The following DTWD2 variants were observed in gnomAD, a reference collection of about 807,000 sequenced individuals.
The protein encoded by DTWD2 is tRNA-uridine aminocarboxypropyltransferase 2.
In DTWD2, 39 loss-of-function variants were observed where a neutral mutation model predicts 31.8. That is an observed-to-expected ratio of 1.22 (90% CI 0.95 to 1.60). DTWD2 has a LOEUF of 1.60. Ranked by LOEUF, DTWD2 falls within the 40% of genes most tolerant of loss-of-function variation. DTWD2 has a pLI of 0.00. For missense variants in DTWD2, 515 were observed against 381.5 expected, an observed-to-expected ratio of 1.35 and a Z score of -2.92; for synonymous variants, 180 against 142.8, an observed-to-expected ratio of 1.26 and a Z score of -1.86.
At chr5:118,875,563 G>GAA (rs34990814) in intron 4 of DTWD2, among the ~76,000 whole-genome samples, 25 of 44,538 alleles carry the variant, frequency 5.6e-4, no homozygotes, top group East Asian at 3.0e-3. Context: ...CCTAGTTTCT[G>GAA]AAAAAAAAAA....
At chr5:118,939,145 TA>T (rs1754119100) in intron 3 of DTWD2, 50 bp downstream of exon 3, 1 of 1,518,364 alleles carries the variant, frequency 6.6e-7, no homozygotes, top group Admixed American at 2.1e-5. Context: ...AACCATTTTT[TA>T]AGATCTGTGT....
At chr5:118,951,314 G>A (rs1008259888) in intron 1 of DTWD2, among the ~76,000 whole-genome samples, 2 of 152,154 alleles carry the variant, frequency 1.3e-5, no homozygotes, top group Admixed American at 6.5e-5. Context: ...TGGGGAGGAA[G>A]AGAGAGGTCA....
At chr5:118,959,047 T>C (rs991699889) in intron 1 of DTWD2, among the ~76,000 whole-genome samples, 10 of 152,080 alleles carry the variant, frequency 6.6e-5, no homozygotes, top group African/African-American at 2.4e-4. Context: ...ACATGACAAG[T>C]CTGCTCACTC....
intron 3 of DTWD2, among the ~76,000 whole-genome samples, chr5:118,936,990 G>A (rs77449821): frequency 0.025 from 3,821 of 152,124 alleles, 172 homozygotes; most frequent in African/African-American, 0.086. Flanking sequence ...TAGATAACTT[G>A]TACCATTTCT....
At chr5:118,886,468 A>G (rs1464833866) in intron 4 of DTWD2, among the ~76,000 whole-genome samples, 1 of 152,248 alleles carries the variant, frequency 6.6e-6, no homozygotes, top group Non-Finnish European at 1.5e-5. Flanking sequence ...GAAATCAAGT[A>G]GAGGAAATGC....
At chr5:118,884,525 T>C (rs924420182) in intron 4 of DTWD2, among the ~76,000 whole-genome samples, 4 of 152,212 alleles carry the variant, frequency 2.6e-5, no homozygotes, top group Non-Finnish European at 5.9e-5. Context: ...AAATTTATCT[T>C]AGTACAGGGT....
intron 4 of DTWD2, among the ~76,000 whole-genome samples, chr5:118,900,008 G>T (rs1263050204): frequency 6.6e-6 from 1 of 151,832 alleles, no homozygotes; most frequent in African/African-American, 2.4e-5. Context: ...TCACTATGTT[G>T]ACCAAGTTAC....
rs1751673937 is a variant in DTWD2 at position 118,840,027 on chromosome 5, A to G, written c.*890T>C. ...CAGTAGACTTGTGCTGAATATACAT[A>G]TATGTTACATACATGTCTCTTATTC... On this transcript the variant is annotated 3_prime_UTR_variant, in exon 6 of 6. Coordinates refer to ENST00000510708, the MANE Select transcript of DTWD2 (RefSeq NM_173666.4). 6.6e-6 allele frequency: 1 copy of G among 152,168 alleles called. No homozygotes were observed. The highest frequency in any genetic ancestry group is 1.5e-5 in the Non-Finnish European group (1 of 68,022). The allele number at this position is 152,168 out of a possible 1,614,324, so 9.4% of individuals were successfully genotyped here.
intron 4 of DTWD2, among the ~76,000 whole-genome samples, chr5:118,893,442 T>C (rs1165939011): frequency 7.0e-6 from 1 of 143,754 alleles, no homozygotes; most frequent in Non-Finnish European, 1.5e-5. Context: ...TTCTGAAAAA[T>C]GCAATAGAGG....
chr5:118,929,550 A>G (rs1330092295), intron 3 of DTWD2, among the ~76,000 whole-genome samples: 2 of 151,800 alleles, frequency 1.3e-5, no homozygotes, highest in Non-Finnish European at 2.9e-5. Flanking sequence ...GTCTCTCTGA[A>G]TCTGCTGTGA....
intron 4 of DTWD2, among the ~76,000 whole-genome samples, chr5:118,884,975 G>C (rs570114645): frequency 7.3e-4 from 92 of 126,148 alleles, no homozygotes; most frequent in African/African-American, 2.8e-3. Context: ...CAGTCTGGGG[G>C]ACAGAGTGAG....
Position 118,944,665 on chromosome 5 carries a change from A to T in DTWD2, c.219-16T>A. 6.2e-7 allele frequency: 1 copy of T among 1,608,668 alleles called. No individual in the cohort carries two copies. The highest frequency in any genetic ancestry group is 8.5e-7 in the Non-Finnish European group (1 of 1,178,214). On this transcript the variant is annotated splice_polypyrimidine_tract_variant and intron_variant, in intron 1 of 5. Transcript: ENST00000510708. ...CTGAGGCCGGCTAAAGGGTAAAAAG[A>T]AAAATAAAACTGGTAAATTTTAAAA...
intron 1 of DTWD2, among the ~76,000 whole-genome samples, chr5:118,966,632 T>A (rs533424824): frequency 6.6e-6 from 1 of 152,206 alleles, no homozygotes. Flanking sequence ...GAAAAGTTGA[T>A]AGGAATGATA....
chr5:118,947,706 G>A (rs937742677), intron 1 of DTWD2, among the ~76,000 whole-genome samples: 1 of 152,150 alleles, frequency 6.6e-6, no homozygotes, highest in Non-Finnish European at 1.5e-5. Flanking sequence ...GCTTGAGGGT[G>A]GGGCTTTGCC....
chr5:118,852,445 C>T (rs1379428814), intron 4 of DTWD2, among the ~76,000 whole-genome samples: 2 of 152,102 alleles, frequency 1.3e-5, no homozygotes, highest in African/African-American at 4.8e-5. Context: ...AATTTATGTT[C>T]CTGTGCTGCG....
chr5:118,917,363 G>C (rs1422051782), intron 4 of DTWD2, among the ~76,000 whole-genome samples: 1 of 152,144 alleles, frequency 6.6e-6, no homozygotes, highest in Admixed American at 6.5e-5. Flanking sequence ...AGAAACAATA[G>C]GGAAGGGAAA....
chr5:118,977,332 G>A (rs1309652560), intron 1 of DTWD2, among the ~76,000 whole-genome samples: 1 of 152,132 alleles, frequency 6.6e-6, no homozygotes, highest in Non-Finnish European at 1.5e-5. Flanking sequence ...GGAAGTTCTG[G>A]TCAGGGCAAT....
intron 4 of DTWD2, among the ~76,000 whole-genome samples, chr5:118,912,291 C>T (rs1753474935): frequency 6.6e-6 from 1 of 152,122 alleles, no homozygotes; most frequent in African/African-American, 2.4e-5. Context: ...GATTTCCACC[C>T]AAAGCAAGAT....
intron 4 of DTWD2, among the ~76,000 whole-genome samples, chr5:118,862,367 G>A (rs1752281221): frequency 6.6e-6 from 1 of 152,106 alleles, no homozygotes; most frequent in African/African-American, 2.4e-5. Context: ...AGTAAAGGAG[G>A]GCATCCTTTT....
Sources: gnomAD v4.1 joint callset for allele counts (sites outside exome capture counted in the v4.1 genomes callset) on GRCh38, gnomAD v4.1.1 for gene constraint, MANE v1.5 for transcripts, NCBI Gene and HGNC (gene_info 2026-07-23, HGNC 2026-07-21) for gene names.